NFATC1: variants seen among roughly 807,000 people sequenced by gnomAD.
NFATC1 encodes the protein nuclear factor of activated T cells 1.
A neutral mutation model predicts 76.0 loss-of-function variants in NFATC1; 22 were observed. The observed-to-expected ratio is 0.29, with a 90% CI of 0.21 to 0.41. The LOEUF (loss-of-function observed/expected upper bound fraction) is 0.41. NFATC1 is among the 10% of genes least tolerant of loss of function. NFATC1 has a pLI of 1.00. For missense variants in NFATC1, 1,357 were observed against 1,337.7 expected, an observed-to-expected ratio of 1.01 and a Z score of -0.23; for synonymous variants, 704 against 613.1, an observed-to-expected ratio of 1.15 and a Z score of -2.19.
chr18:79,424,607 C>T (rs915486570), intron 2 of NFATC1, among the ~76,000 whole-genome samples: 2 of 150,898 alleles, frequency 1.3e-5, no homozygotes, highest in Admixed American at 6.6e-5. Context: ...CTCTGTCTCT[C>T]CGTCTGTCTC....
At chr18:79,433,849 C>T (rs1305580765) in intron 3 of NFATC1, 111 bp downstream of exon 3, 2 of 1,381,888 alleles carry the variant, frequency 1.4e-6, no homozygotes, top group Non-Finnish European at 1.9e-6. Flanking sequence ...CAGCTGAATG[C>T]TCTGTCGTGG....
At chr18:79,430,263 T>G (rs1213558883) in intron 2 of NFATC1, among the ~76,000 whole-genome samples, 1 of 152,170 alleles carries the variant, frequency 6.6e-6, no homozygotes, top group Admixed American at 6.6e-5. Flanking sequence ...AGACCAGCGG[T>G]GGGGGGAGGC....
At position 79,524,081 on chromosome 18, in the gene NFATC1, G is replaced by A. The variant is rs1204633949; in HGVS notation, c.2783-3447G>A. 6.6e-6 allele frequency: 1 copy of A among 152,006 alleles called. No individual in the cohort carries two copies. Among genetic ancestry groups the A allele is most frequent in the African/African-American group, 2.4e-5 (1 of 41,386 alleles). The allele number at this position is 152,006 out of a possible 1,614,324, so 9.4% of individuals were successfully genotyped here. On this transcript the variant is annotated intron_variant, in intron 9 of 9. Transcript: ENST00000427363. This position sits in a 1 kb window ranked among gnomAD's most constrained non-coding sequence, Gnocchi z 7.2. ...CATCGGCAACCATACCCTACCCAAG[G>A]AAGCCGCCCCCGGAATAGCAAGGGC...
intron 1 of NFATC1, among the ~76,000 whole-genome samples, chr18:79,408,716 C>T (rs1245610870): frequency 1.3e-5 from 2 of 152,234 alleles, no homozygotes; most frequent in Non-Finnish European, 2.9e-5. Flanking sequence ...AAAACACATC[C>T]ACCATCCATC....
intron 9 of NFATC1, among the ~76,000 whole-genome samples, chr18:79,503,329 AG>A (rs2090052365): frequency 1.3e-5 from 2 of 152,214 alleles, no homozygotes; most frequent in African/African-American, 4.8e-5. Context: ...TGTGGCTTCC[AG>A]GGCATATAAA....
chr18:79,459,669 G>A lies in NFATC1; in HGVS notation c.1904-1642G>A, dbSNP rs148555843. On this transcript the variant is annotated intron_variant, in intron 6 of 9. Coordinates refer to ENST00000427363, the MANE Select transcript of NFATC1 (RefSeq NM_001278669.2). ...CGGGAAGCAAACTATAGCCTGTTGCGCCCGGGAGCTTCAGAGGACCACAGC... is the reference window on the plus strand; with the variant it reads ...CGGGAAGCAAACTATAGCCTGTTGCACCCGGGAGCTTCAGAGGACCACAGC... 3.5e-3 allele frequency among the ~76,000 whole-genome samples: 533 copies of A among 152,246 alleles called. 16 individuals carry two copies. The highest frequency in any genetic ancestry group is 0.024 in the Admixed American group (368 of 15,298).
At chr18:79,490,102 G>GC (rs896000767) in intron 9 of NFATC1, among the ~76,000 whole-genome samples, 10 of 151,852 alleles carry the variant, frequency 6.6e-5, no homozygotes, top group Admixed American at 2.6e-4. Flanking sequence ...CCCCGCCCCC[G>GC]CCCCCCCGTG....
rs990283160 is a variant in NFATC1, at chr18:79,524,727, G to A, written c.2783-2801G>A. On this transcript the variant is annotated intron_variant, in intron 9 of 9. Transcript: ENST00000427363. This position sits in a 1 kb window ranked among gnomAD's most constrained non-coding sequence, Gnocchi z 7.2. ...AAAGGAGGCTGTGGTGGCCCCCGAC[G>A]GGAACCTGGGTGGCCGGGGGACACA... Among the ~76,000 whole-genome samples, 1 of 152,172 alleles carries A rather than the reference G, an allele frequency of 6.6e-6. No individual in the cohort carries two copies. Among genetic ancestry groups the A allele is most frequent in the South Asian group, 2.1e-4 (1 of 4,812 alleles).
rs746544878 is a variant in NFATC1 at position 79,486,268 on chromosome 18, C to A, written c.2113C>A (p.Pro705Thr). The change falls in exon 9 of 10, where the codon CCC (proline) becomes ACC (threonine). Residue 705 changes from proline (P) to threonine (T), a missense_variant. Around this residue, in one of 3 missense-constraint regions of NFATC1, gnomAD observed 424 missense variants for 395.4 expected, o/e 1.07. Coordinates refer to ENST00000427363, the MANE Select transcript of NFATC1 (RefSeq NM_001278669.2). ...PANVPIIKTEPTDDYEPAPTC... is the reference protein window; with the variant it reads ...PANVPIIKTETTDDYEPAPTC... Reference sequence around the variant, plus strand: ...CACAGTTCCAATTATAAAAACAGAACCCACTGATGATTATGAGCCTGCTCC... The same window carrying A: ...CACAGTTCCAATTATAAAAACAGAAACCACTGATGATTATGAGCCTGCTCC... The A allele has an allele frequency of 5.6e-6, 9 of 1,607,488 alleles. No individual in the cohort carries two copies. Among genetic ancestry groups the A allele is most frequent in the Non-Finnish European group, 6.8e-6 (8 of 1,175,848 alleles).
At chr18:79,475,228 G>C (rs1203784896) in intron 8 of NFATC1, among the ~76,000 whole-genome samples, 1 of 148,282 alleles carries the variant, frequency 6.7e-6, no homozygotes, top group African/African-American at 2.5e-5. Flanking sequence ...AAACCTGAGG[G>C]AAGTGTGTTC....
intron 3 of NFATC1, among the ~76,000 whole-genome samples, chr18:79,444,749 C>T (rs1268811277): frequency 2.2e-5 from 3 of 139,412 alleles, no homozygotes; most frequent in African/African-American, 9.7e-5. Context: ...ACGTGCCCGA[C>T]CCCACAGACC....
In NFATC1 at chr18:79,433,581, C is replaced by G. The variant is rs201990048; in HGVS notation, c.1229C>G (p.Pro410Arg). The G allele has an allele frequency of 9.5e-5, 153 of 1,612,966 alleles. No homozygotes were observed. The highest frequency in any genetic ancestry group is 1.2e-4 in the Non-Finnish European group (145 of 1,179,932). ...KPLSPTSYMSPTLPALDWQLP... is the reference protein window; with the variant it reads ...KPLSPTSYMSRTLPALDWQLP... ...TCCTCTGCTCTGTTCCCTTCCAGCC[C>G]GACCCTGCCCGCCCTGGACTGGCAG... The change falls in exon 3 of 10, where the codon CCG becomes CGG. Residue 410 changes from proline (P) to arginine (R), a missense_variant and splice_region_variant. Physicochemically the swap from Pro to Arg is moderately radical, Grantham distance 103. This residue lies in a region of NFATC1 where 691 missense variants were observed against 613.1 expected (regional missense o/e 1.13). Coordinates refer to ENST00000427363, the MANE Select transcript of NFATC1 (RefSeq NM_001278669.2).
rs759736807 is a variant in NFATC1, at chr18:79,451,730, A to G, written c.1817A>G (p.Tyr606Cys). 5.1e-5 allele frequency: 83 copies of G among 1,612,896 alleles called. No homozygotes were observed. Among genetic ancestry groups the G allele is most frequent in the Non-Finnish European group, 5.9e-5 (70 of 1,179,692 alleles). ...PLVEKQSTDS[Y>C]PVVGGKKMVL... ...GTGGAGAAGCAGAGCACGGACAGCT[A>G]TCCGGTCGTGGGCGGGAAGAAGATG... Residue 606 changes from tyrosine to cysteine, a missense_variant, in exon 6 of 10, where the codon TAT becomes TGT. By Grantham distance (194) the Tyr-to-Cys change is radical. This residue lies in a region of NFATC1 where 242 missense variants were observed against 329.2 expected (regional missense o/e 0.74). Coordinates refer to ENST00000427363, the MANE Select transcript of NFATC1 (RefSeq NM_001278669.2).
intron 2 of NFATC1, among the ~76,000 whole-genome samples, chr18:79,426,247 T>C (rs2086324479): frequency 6.6e-6 from 1 of 151,984 alleles, no homozygotes; most frequent in Admixed American, 6.6e-5. Flanking sequence ...TTTTTTTTTT[T>C]TTCCTCCCCC....
At chr18:79,483,564 T>TGTCACTCCGGCGTGACCTGGTCCTGGGGC (rs2089388378) in intron 8 of NFATC1, among the ~76,000 whole-genome samples, 1 of 111,608 alleles carries the variant, frequency 9.0e-6, no homozygotes, top group South Asian at 3.3e-4. Context: ...GGTCCTGGGG[T>TGTCACTCCGGCGTGACCTGGTCCTGGGGC]GTCACTCCGG....
At chr18:79,501,913 T>G (rs1461591752) in intron 9 of NFATC1, among the ~76,000 whole-genome samples, 1 of 152,172 alleles carries the variant, frequency 6.6e-6, no homozygotes, top group African/African-American at 2.4e-5. Context: ...GAATCAATAT[T>G]GTGAAGATGG....
At chr18:79,400,794 G>GACCCCCCGACCCCTCCCCCGACCTCCC (rs2085185984) in intron 1 of NFATC1, among the ~76,000 whole-genome samples, 2 of 18,214 alleles carry the variant, frequency 1.1e-4, no homozygotes, top group Non-Finnish European at 2.1e-4. Flanking sequence ...CCCTCTCCCC[G>GACCCCCCGACCCCTCCCCCGACCTCCC]CCCCGCGTCC....
intron 9 of NFATC1, among the ~76,000 whole-genome samples, chr18:79,494,355 G>A (rs543727050): frequency 1.9e-5 from 2 of 108,094 alleles, no homozygotes; most frequent in African/African-American, 6.7e-5. Flanking sequence ...GCGGGCACAC[G>A]CCCCCCATCG....
chr18:79,471,166 C>T (rs3786199), intron 8 of NFATC1, among the ~76,000 whole-genome samples: 7,314 of 152,226 alleles, frequency 0.048, 600 homozygotes, highest in East Asian at 0.29. Flanking sequence ...CCGGAAGGCG[C>T]GTTAGGAGGG....
Sources: allele counts gnomAD v4.1 joint callset (sites outside exome capture counted in the v4.1 genomes callset), GRCh38; gene constraint gnomAD v4.1.1; regional missense constraint gnomAD v4.1.1; non-coding constraint Gnocchi (gnomAD v3.1); transcripts MANE v1.5; gene names NCBI Gene and HGNC (gene_info 2026-07-23, HGNC 2026-07-21).